TMEM131L: variants seen among roughly 807,000 people sequenced by gnomAD.
TMEM131L encodes the protein transmembrane protein 131-like.
A neutral mutation model predicts 192.2 loss-of-function variants in TMEM131L; 54 were observed. That is an observed-to-expected ratio of 0.28 (90% CI 0.23 to 0.35). TMEM131L has a LOEUF of 0.35. Ranked by LOEUF, TMEM131L falls within the 10% of genes least tolerant of loss-of-function variation. The pLI is 1.00. For missense variants in TMEM131L, 1,888 were observed against 1,972.9 expected, an observed-to-expected ratio of 0.96 and a Z score of 0.82; for synonymous variants, 701 against 704.9, an observed-to-expected ratio of 0.99 and a Z score of 0.09.
chr4:153,514,848 T>A (rs1472678595), intron 3 of TMEM131L, among the ~76,000 whole-genome samples: 4 of 152,130 alleles, frequency 2.6e-5, no homozygotes, highest in Non-Finnish European at 4.4e-5. Flanking sequence ...AGTCTCGCTC[T>A]GTCCCCCAGG....
intron 3 of TMEM131L, among the ~76,000 whole-genome samples, chr4:153,539,476 T>C (rs1209232808): frequency 6.6e-6 from 1 of 151,580 alleles, no homozygotes; most frequent in Admixed American, 6.6e-5. Flanking sequence ...TTAAAAACAT[T>C]ATGTTCAGAG....
intron 3 of TMEM131L, among the ~76,000 whole-genome samples, chr4:153,548,378 C>G (rs924014397): frequency 2.0e-5 from 3 of 152,172 alleles, no homozygotes; most frequent in Non-Finnish European, 4.4e-5. Flanking sequence ...GATCTTGGCT[C>G]ACTGCAAGCT....
intron 15 of TMEM131L, among the ~76,000 whole-genome samples, chr4:153,588,624 G>T (rs1427163372): frequency 1.3e-5 from 2 of 151,768 alleles, no homozygotes; most frequent in Admixed American, 1.3e-4. Flanking sequence ...TTTGTTTCAG[G>T]CTGTATTCAT....
chr4:153,469,997 T>G (rs763602424), intron 2 of TMEM131L, among the ~76,000 whole-genome samples: 3 of 151,792 alleles, frequency 2.0e-5, no homozygotes, highest in African/African-American at 7.3e-5. Context: ...TGTATAGTTA[T>G]TTATTTTGGA....
intron 3 of TMEM131L, among the ~76,000 whole-genome samples, chr4:153,544,456 G>T (rs1737022431): frequency 6.6e-6 from 1 of 152,184 alleles, no homozygotes; most frequent in South Asian, 2.1e-4. Flanking sequence ...AGCCTTCCTG[G>T]GTAGCTGCTA....
chr4:153,480,485 A>G (rs541466735), intron 3 of TMEM131L, among the ~76,000 whole-genome samples: 1 of 138,494 alleles, frequency 7.2e-6, no homozygotes, highest in Non-Finnish European at 1.5e-5. Context: ...GCGCAACTGC[A>G]CTCCAGCCTG....
intron 3 of TMEM131L, among the ~76,000 whole-genome samples, chr4:153,512,405 C>T (rs995715516): frequency 2.0e-5 from 3 of 152,092 alleles, no homozygotes; most frequent in African/African-American, 7.2e-5. Flanking sequence ...GGACAGTAAG[C>T]ATTTATTTAT....
intron 32 of TMEM131L, chr4:153,633,447 T>C (rs1160020169): frequency 6.6e-6 from 1 of 151,672 alleles, no homozygotes; most frequent in Non-Finnish European, 1.5e-5. Flanking sequence ...TAGGCTGCTC[T>C]TGAACTCTTG....
intron 3 of TMEM131L, among the ~76,000 whole-genome samples, chr4:153,488,854 C>T (rs1732556637): frequency 1.3e-5 from 2 of 152,090 alleles, no homozygotes; most frequent in Admixed American, 6.5e-5. Flanking sequence ...GCGGGCTCGC[C>T]GGCAGCCTGT....
intron 7 of TMEM131L, among the ~76,000 whole-genome samples, chr4:153,579,099 A>G (rs1730163120): frequency 6.6e-6 from 1 of 152,138 alleles, no homozygotes; most frequent in African/African-American, 2.4e-5. Flanking sequence ...ATTGGTGCAC[A>G]CCTGTAATCC....
intron 3 of TMEM131L, among the ~76,000 whole-genome samples, chr4:153,504,872 G>C (rs1733880431): frequency 6.6e-6 from 1 of 152,152 alleles, no homozygotes; most frequent in African/African-American, 2.4e-5. Flanking sequence ...GCATTCACTT[G>C]AATCTCAGCT....
intron 2 of TMEM131L, 68 bp downstream of exon 2, chr4:153,467,349 C>A: frequency 7.5e-7 from 1 of 1,334,998 alleles, no homozygotes; most frequent in South Asian, 1.3e-5. Context: ...GGCCCCCGGT[C>A]CTCCCCACCC....
intron 4 of TMEM131L, among the ~76,000 whole-genome samples, chr4:153,554,877 G>C (rs1219153822): frequency 6.6e-6 from 1 of 152,200 alleles, no homozygotes; most frequent in African/African-American, 2.4e-5. Context: ...AGGTGGGCCT[G>C]AGCCCAGCTC....
At chr4:153,492,076 G>T (rs777570181) in intron 3 of TMEM131L, among the ~76,000 whole-genome samples, 1 of 151,806 alleles carries the variant, frequency 6.6e-6, no homozygotes, top group Non-Finnish European at 1.5e-5. Flanking sequence ...ATCATAGCTC[G>T]CTGCAACCTT....
chr4:153,495,819 A>G (rs930322131), intron 3 of TMEM131L, among the ~76,000 whole-genome samples: 1 of 152,224 alleles, frequency 6.6e-6, no homozygotes, highest in African/African-American at 2.4e-5. Flanking sequence ...TATCTTATTT[A>G]GGAATAAAAC....
At chr4:153,614,579 C>G (rs1373227733) in intron 26 of TMEM131L, among the ~76,000 whole-genome samples, 1 of 152,100 alleles carries the variant, frequency 6.6e-6, no homozygotes, top group Non-Finnish European at 1.5e-5. Context: ...CTGTGATCTT[C>G]CTGAATGAAG....
chr4:153,612,941 G>C (rs933391040), intron 26 of TMEM131L, among the ~76,000 whole-genome samples: 2 of 152,086 alleles, frequency 1.3e-5, no homozygotes, highest in African/African-American at 4.8e-5. Flanking sequence ...TAAATTAATT[G>C]AACTTCAAAT....
intron 3 of TMEM131L, among the ~76,000 whole-genome samples, chr4:153,479,286 C>T (rs769511848): frequency 1.7e-4 from 26 of 152,120 alleles, no homozygotes; most frequent in Middle Eastern, 3.2e-3. Context: ...TGTATTTGGT[C>T]GAAAGCCAAA....
At chr4:153,573,939 A>G (rs1729762641) in intron 7 of TMEM131L, among the ~76,000 whole-genome samples, 1 of 152,236 alleles carries the variant, frequency 6.6e-6, no homozygotes, top group Non-Finnish European at 1.5e-5. Flanking sequence ...AAATCAATAT[A>G]ATCTCCCCTT....
Sources: allele counts gnomAD v4.1 joint callset (sites outside exome capture counted in the v4.1 genomes callset), GRCh38; gene constraint gnomAD v4.1.1; transcripts MANE v1.5; gene names NCBI Gene and HGNC (gene_info 2026-07-23, HGNC 2026-07-21).